Variants in PDCD5 observed in about 807,000 individuals in gnomAD.
The protein encoded by PDCD5 is programmed cell death 5, also known as programmed cell death protein 5.
In PDCD5, 23 loss-of-function variants were observed where a neutral mutation model predicts 21.9. The ratio of observed to expected loss-of-function variants is 1.05; its 90% CI spans 0.76 to 1.49. PDCD5 has a LOEUF of 1.49. Ranked by LOEUF, PDCD5 falls within the 40% of genes most tolerant of loss-of-function variation. The pLI, the probability that PDCD5 is intolerant of heterozygous loss-of-function variation, is 0.00. For missense variants in PDCD5, 152 were observed against 147.7 expected, an observed-to-expected ratio of 1.03 and a Z score of -0.15; for synonymous variants, 45 against 49.4, an observed-to-expected ratio of 0.91 and a Z score of 0.37.
intron 2 of PDCD5, among the ~76,000 whole-genome samples, chr19:32,584,272 C>G (rs1360892334): frequency 6.6e-6 from 1 of 152,170 alleles, no homozygotes; most frequent in Non-Finnish European, 1.5e-5. Context: ...CAGCCAGCCC[C>G]AGCTCTCCCT....
At chr19:32,583,182 G>A (rs1971445269) in intron 2 of PDCD5, among the ~76,000 whole-genome samples, 2 of 152,202 alleles carry the variant, frequency 1.3e-5, no homozygotes, top group African/African-American at 2.4e-5. Flanking sequence ...CTGCCTAGTA[G>A]TGTGAATTCA....
At chr19:32,584,680 TTGAAC>T (rs1971459335) in intron 2 of PDCD5, among the ~76,000 whole-genome samples, 1 of 152,226 alleles carries the variant, frequency 6.6e-6, no homozygotes, top group South Asian at 2.1e-4. Context: ...GTGATGGTGT[TTGAAC>T]TGAGGCTCCA....
chr19:32,584,911 C>T, intron 2 of PDCD5, 39 bp from the exon 3 acceptor site: 1 of 1,529,460 alleles, frequency 6.5e-7, no homozygotes, highest in Non-Finnish European at 9.1e-7. Flanking sequence ...ATGCCGACAG[C>T]TGTGTTTTAA....
At chr19:32,583,788 A>G (rs1209962619) in intron 2 of PDCD5, among the ~76,000 whole-genome samples, 1 of 151,900 alleles carries the variant, frequency 6.6e-6, no homozygotes, top group Non-Finnish European at 1.5e-5. Flanking sequence ...GTGAGCTGTG[A>G]TTGCACCACT....
chr19:32,581,874 G>GT (rs751787918), intron 1 of PDCD5, among the ~76,000 whole-genome samples: 48 of 152,154 alleles, frequency 3.2e-4, no homozygotes, highest in Non-Finnish European at 4.6e-4. Flanking sequence ...CAGTCTTTGA[G>GT]TTATCGTTGT....
rs1971422315 is a variant in PDCD5, at chr19:32,581,321, A to G, written c.60A>G (p.Lys20=). 1.3e-6 allele frequency: 2 copies of G among 1,516,336 alleles called. No homozygotes were observed. Among genetic ancestry groups the G allele is most frequent in the South Asian group, 1.2e-5 (1 of 80,856 alleles). 93.9% of individuals were successfully genotyped at this position (1,516,336 alleles called of 1,614,324 possible). Residue 20 remains lysine, a synonymous_variant, in exon 1 of 6, where the codon AAA becomes AAG. Coordinates refer to ENST00000590247, the MANE Select transcript of PDCD5 (RefSeq NM_004708.4). ...AGAGGCTGGCCGAGCTGCAGGCCAA[A>G]CACGGGGTGAGCGCATCAGCCCCCG... ...RRQRLAELQA[K]HGDPGDAAQQ...
At chr19:32,581,557 G>A in intron 1 of PDCD5, 1 of 362,776 alleles carries the variant, frequency 2.8e-6, no homozygotes, top group East Asian at 4.2e-5. Flanking sequence ...CTGCCCTGGC[G>A]TTGGGGTGTG....
At chr19:32,586,280 T>C (rs561861452) in intron 4 of PDCD5, 1 of 1,405,772 alleles carries the variant, frequency 7.1e-7, no homozygotes, top group African/African-American at 1.4e-5. Context: ...GCTTATGTTC[T>C]CTGTGTTGCT....
At chr19:32,584,194 A>T (rs566921304) in intron 2 of PDCD5, among the ~76,000 whole-genome samples, 1 of 152,162 alleles carries the variant, frequency 6.6e-6, no homozygotes, top group Non-Finnish European at 1.5e-5. Context: ...GAAGTGGCCT[A>T]TGGAAATGAG....
intron 1 of PDCD5, 34 bp downstream of exon 1, chr19:32,581,361 C>T (rs770345343): frequency 7.1e-7 from 1 of 1,409,640 alleles, no homozygotes; most frequent in African/African-American, 1.5e-5. Context: ...GCTTGGCCCT[C>T]GCGGGGCGCC....
rs576991334 is a variant in PDCD5, at chr19:32,582,321, A to C, written c.104+89A>C. On this transcript the variant is annotated intron_variant, in intron 2 of 5. Coordinates refer to ENST00000590247, the MANE Select transcript of PDCD5 (RefSeq NM_004708.4). ...GTTATTTTAAGCAGGTGTGTGACTC[A>C]GATTTTTTTGTTTTGCTGGAATGGT... is the stretch of plus-strand genomic sequence containing the variant. 96 of 1,209,456 alleles carry C rather than the reference A, an allele frequency of 7.9e-5. 3 individuals are homozygous for C. In the South Asian group the frequency reaches 1.2e-3, roughly 15 times the overall value. 74.9% of individuals were successfully genotyped at this position (1,209,456 alleles called of 1,614,324 possible).
chr19:32,584,137 C>G (rs1380613024), intron 2 of PDCD5, among the ~76,000 whole-genome samples: 1 of 152,024 alleles, frequency 6.6e-6, no homozygotes, highest in Admixed American at 6.6e-5. Context: ...TGGCCTAGAC[C>G]CCATCTCTTA....
At chr19:32,586,498 T>A in intron 4 of PDCD5, 2 of 1,100,392 alleles carry the variant, frequency 1.8e-6, no homozygotes, top group African/African-American at 1.6e-5. Context: ...AGGGGATGTT[T>A]AAGCTTCTCG....
chr19:32,586,907 CAG>C lies in PDCD5; in HGVS notation c.310_311del (p.Glu104LysfsTer16). The C allele has an allele frequency of 6.2e-7, 1 of 1,611,970 alleles. No homozygotes were observed. Among genetic ancestry groups the C allele is most frequent in the Non-Finnish European group, 8.5e-7 (1 of 1,178,958 alleles). On this transcript the variant is annotated frameshift_variant, in exon 5 of 6. Coordinates refer to ENST00000590247, the MANE Select transcript of PDCD5 (RefSeq NM_004708.4). LOFTEE classifies it high-confidence loss of function. ...ATCCTTAAAAAAGTAAGCCAACAAA[CAG>C]AAAAGACAACAACAGTGAAAGTAAG...
intron 2 of PDCD5, among the ~76,000 whole-genome samples, chr19:32,583,031 G>A (rs1971443835): frequency 6.6e-6 from 1 of 152,182 alleles, no homozygotes; most frequent in African/African-American, 2.4e-5. Context: ...TCACATATCT[G>A]AAATCAGGAT....
intron 2 of PDCD5, among the ~76,000 whole-genome samples, chr19:32,583,043 C>T (rs565222403): frequency 1.4e-4 from 21 of 152,272 alleles, no homozygotes; most frequent in African/African-American, 5.1e-4. Context: ...AATCAGGATG[C>T]CTTTTAAAAC....
At chr19:32,581,705 T>A in intron 1 of PDCD5, 1 of 210,838 alleles carries the variant, frequency 4.7e-6, no homozygotes. Context: ...CGACAGGTAT[T>A]GAGGGTCCGC....
Position 32,581,208 on chromosome 19 carries a change from C to G in PDCD5, c.-54C>G, listed in dbSNP as rs1490037422. Reference sequence around the variant, plus strand: ...CCTGCGCAGTGGTCAAGGCCGCGCTCGCGCCGAGGGGCTGCGAGAGTGACC... The same window carrying G: ...CCTGCGCAGTGGTCAAGGCCGCGCTGGCGCCGAGGGGCTGCGAGAGTGACC... On this transcript the variant is annotated 5_prime_UTR_variant, in exon 1 of 6. Transcript: ENST00000590247. 9.6e-6 allele frequency: 13 copies of G among 1,350,376 alleles called. No individual in the cohort carries two copies. The highest frequency in any genetic ancestry group is 2.0e-6 in the Non-Finnish European group (2 of 1,017,210). The allele number at this position is 1,350,376 out of a possible 1,614,324, so 83.6% of individuals were successfully genotyped here.
At chr19:32,581,856 G>A (rs984905596) in intron 1 of PDCD5, among the ~76,000 whole-genome samples, 3 of 152,142 alleles carry the variant, frequency 2.0e-5, no homozygotes, top group Non-Finnish European at 4.4e-5. Flanking sequence ...CCTTAGGGAC[G>A]GAGGGCGCAG....
Sources: gnomAD v4.1 joint callset for allele counts (sites outside exome capture counted in the v4.1 genomes callset) on GRCh38, gnomAD v4.1.1 for gene constraint, MANE v1.5 for transcripts, NCBI Gene and HGNC (gene_info 2026-07-23, HGNC 2026-07-21) for gene names.